The following ZNF609 variants were observed in gnomAD, a reference collection of about 807,000 sequenced individuals.
ZNF609 encodes zinc finger protein 609.
A neutral mutation model predicts 109.5 loss-of-function variants in ZNF609; 11 were observed. The ratio of observed to expected loss-of-function variants is 0.10; its 90% CI spans 0.06 to 0.17. The LOEUF is 0.17. ZNF609 is among the 10% of genes least tolerant of loss of function. ZNF609 has a pLI of 1.00. For synonymous variants in ZNF609, 646 were observed against 662.0 expected (o/e 0.98, Z 0.37); for missense variants, 1,559 against 1,772.4 (o/e 0.88, Z 2.16).
chr15:64,578,657 A>G (rs968596011), intron 2 of ZNF609, among the ~76,000 whole-genome samples: 2 of 152,150 alleles, frequency 1.3e-5, no homozygotes, highest in African/African-American at 4.8e-5. Flanking sequence ...GTGCCATTGC[A>G]CTCTAGCCTG....
At position 64,682,825 on chromosome 15, in the gene ZNF609, A is replaced by G. The variant is rs1003462643; in HGVS notation, c.*1139A>G. 2.0e-5 allele frequency: 3 copies of G among 152,526 alleles called. No individual in the cohort carries two copies. Among genetic ancestry groups the G allele is most frequent in the Non-Finnish European group, 4.4e-5 (3 of 68,040 alleles). 9.4% of individuals were successfully genotyped at this position (152,526 alleles called of 1,614,324 possible). The stretch of plus-strand genomic sequence containing the variant: ...CCTCTGTCTACAAGTACATGATTTT[A>G]TATAGCTCAGTCTATAACCTCCATG... On this transcript the variant is annotated 3_prime_UTR_variant, in exon 10 of 10. Coordinates refer to ENST00000326648, the MANE Select transcript of ZNF609 (RefSeq NM_015042.2).
At chr15:64,672,846 C>T (rs570138882) in intron 4 of ZNF609, among the ~76,000 whole-genome samples, 29 of 151,452 alleles carry the variant, frequency 1.9e-4, no homozygotes, top group African/African-American at 6.8e-4. Flanking sequence ...TGCCTGTAAC[C>T]CCAGCTACTC....
intron 2 of ZNF609, among the ~76,000 whole-genome samples, chr15:64,614,877 G>A (rs1441876950): frequency 7.1e-6 from 1 of 140,644 alleles, no homozygotes; most frequent in African/African-American, 2.6e-5. Context: ...GGAGTGCAGG[G>A]GCACAATCTC....
rs142393367 is a variant in ZNF609 at position 64,587,149 on chromosome 15, T to C, written c.748-35678T>C. Among the ~76,000 whole-genome samples the C allele has an allele frequency of 7.0e-4, 106 of 152,322 alleles. No homozygotes were observed. The East Asian group carries it at 0.019, about 28-fold the overall frequency. On this transcript the variant is annotated intron_variant, in intron 2 of 9. Coordinates refer to ENST00000326648, the MANE Select transcript of ZNF609 (RefSeq NM_015042.2). Reference sequence around the variant, plus strand: ...CAAGGATGGCGAAAACTAAAATAATTAGTTTATCTGTTTAGAGTATCTGAA... The same window carrying C: ...CAAGGATGGCGAAAACTAAAATAATCAGTTTATCTGTTTAGAGTATCTGAA...
chr15:64,529,838 C>T (rs1344005720), intron 2 of ZNF609, among the ~76,000 whole-genome samples: 1 of 152,256 alleles, frequency 6.6e-6, no homozygotes, highest in African/African-American at 2.4e-5. Context: ...TTGAGTGATT[C>T]TCCTGCCTCA....
intron 2 of ZNF609, among the ~76,000 whole-genome samples, chr15:64,543,133 C>T (rs1054122413): frequency 1.3e-5 from 2 of 151,810 alleles, no homozygotes; most frequent in African/African-American, 2.4e-5. Context: ...ACGTTCTGCA[C>T]ATGTATCCCA....
chr15:64,636,796 C>T, intron 3 of ZNF609, among the ~76,000 whole-genome samples: 1 of 152,166 alleles, frequency 6.6e-6, no homozygotes, highest in Non-Finnish European at 1.5e-5. Flanking sequence ...ATAGAACTGG[C>T]CTGCATCTTG....
At chr15:64,507,127 T>C (rs1274736813) in intron 2 of ZNF609, among the ~76,000 whole-genome samples, 4 of 152,182 alleles carry the variant, frequency 2.6e-5, no homozygotes, top group African/African-American at 9.7e-5. Flanking sequence ...TTTCTGGCCA[T>C]ATCCCTGGCA....
chr15:64,654,813 TGG>T (rs1461636977), intron 3 of ZNF609, among the ~76,000 whole-genome samples: 2 of 152,094 alleles, frequency 1.3e-5, no homozygotes, highest in Non-Finnish European at 2.9e-5. Flanking sequence ...TAGCGCCAAG[TGG>T]GCCGGGCACG....
At chr15:64,486,999 G>A (rs912851914) in intron 1 of ZNF609, among the ~76,000 whole-genome samples, 1 of 152,014 alleles carries the variant, frequency 6.6e-6, no homozygotes, top group Non-Finnish European at 1.5e-5. Context: ...TGGTTAGGTC[G>A]ATATTCATTA....
In ZNF609 at chr15:64,683,358, T is replaced by C. The variant is rs2083222509; in HGVS notation, c.*1672T>C. The C allele has an allele frequency of 6.6e-6, 1 of 152,608 alleles. No individual in the cohort carries two copies. The highest frequency in any genetic ancestry group is 1.5e-5 in the Non-Finnish European group (1 of 68,042). The allele number at this position is 152,608 out of a possible 1,614,324, so 9.5% of individuals were successfully genotyped here. On this transcript the variant is annotated 3_prime_UTR_variant, in exon 10 of 10. Coordinates refer to ENST00000326648, the MANE Select transcript of ZNF609 (RefSeq NM_015042.2). ...CAGTAAGCACAATGCCCAGTAGTAG[T>C]TGATTTCCAAGGACCCTGGAACCCT... is the stretch of plus-strand genomic sequence containing the variant.
At chr15:64,651,915 A>C (rs139436791) in intron 3 of ZNF609, among the ~76,000 whole-genome samples, 12 of 151,998 alleles carry the variant, frequency 7.9e-5, no homozygotes, top group African/African-American at 2.9e-4. Context: ...TACCTCTCTC[A>C]CTATCTCATT....
intron 3 of ZNF609, among the ~76,000 whole-genome samples, chr15:64,633,720 T>C (rs1203483534): frequency 6.6e-6 from 1 of 152,084 alleles, no homozygotes; most frequent in Non-Finnish European, 1.5e-5. Context: ...TCTGGTCTTT[T>C]GTTGAAAAAG....
chr15:64,679,941 A>G (rs2141019733), intron 6 of ZNF609, among the ~76,000 whole-genome samples: 1 of 152,332 alleles, frequency 6.6e-6, no homozygotes, highest in Middle Eastern at 3.4e-3. Context: ...AGTTCAAAGA[A>G]CAGTATCAGA....
intron 2 of ZNF609, among the ~76,000 whole-genome samples, chr15:64,604,076 C>G (rs1895554886): frequency 6.6e-6 from 1 of 151,612 alleles, no homozygotes; most frequent in Admixed American, 6.6e-5. Flanking sequence ...TGATTCTGCT[C>G]CTTTTATACT....
intron 2 of ZNF609, among the ~76,000 whole-genome samples, chr15:64,553,852 C>G (rs1163392547): frequency 6.6e-6 from 1 of 152,140 alleles, no homozygotes; most frequent in East Asian, 1.9e-4. Flanking sequence ...CCTGCCTCAG[C>G]CTCCCAAAGT....
intron 2 of ZNF609, among the ~76,000 whole-genome samples, chr15:64,551,983 C>CT (rs750604909): frequency 0.073 from 8,572 of 117,924 alleles, 655 homozygotes; most frequent in Non-Finnish European, 0.11. Flanking sequence ...AAGACTCTGT[C>CT]TCAAAAAAAA....
intron 2 of ZNF609, among the ~76,000 whole-genome samples, chr15:64,571,199 G>A (rs1440121963): frequency 2.0e-5 from 3 of 152,122 alleles, no homozygotes; most frequent in Admixed American, 2.0e-4. Context: ...ATTCTAGAGG[G>A]GAAGATATGA....
rs1437086199 is a variant in ZNF609 at position 64,673,993 on chromosome 15, A to G, written c.1139A>G (p.Asn380Ser). The change falls in exon 5 of 10, where the codon AAT becomes AGT. Residue 380 changes from asparagine to serine, a missense_variant. Physicochemically the swap from Asn to Ser is conservative, Grantham distance 46. This residue lies in a region of ZNF609 where 1,204 missense variants were observed against 1,314.1 expected (regional missense o/e 0.92). Transcript: ENST00000326648. ...GRGKRMRPNS[N>S]TPVNETATAS... is the part of the protein sequence containing the mutation. Reference sequence around the variant, plus strand: ...GGCAAACGCATGCGTCCCAACAGTAATACACCTGTCAATGAGACAGCCACA... The same window carrying G: ...GGCAAACGCATGCGTCCCAACAGTAGTACACCTGTCAATGAGACAGCCACA... 6.2e-7 allele frequency: 1 copy of G among 1,614,198 alleles called. No homozygotes were observed. Among genetic ancestry groups the G allele is most frequent in the Admixed American group, 1.7e-5 (1 of 60,018 alleles).
Sources: allele counts gnomAD v4.1 joint callset (sites outside exome capture counted in the v4.1 genomes callset), GRCh38; gene constraint gnomAD v4.1.1; regional missense constraint gnomAD v4.1.1; transcripts MANE v1.5; gene names NCBI Gene and HGNC (gene_info 2026-07-23, HGNC 2026-07-21).